Variants in NIPAL3 observed in about 807,000 individuals in gnomAD.
NIPAL3 encodes NIPA-like protein 3.
A neutral mutation model predicts 47.2 loss-of-function variants in NIPAL3; 41 were observed. The observed-to-expected ratio is 0.87, with a 90% CI of 0.68 to 1.13. The LOEUF is 1.13. Ranked by LOEUF, NIPAL3 falls within the 50% of genes most tolerant of loss-of-function variation. NIPAL3 has a pLI of 0.00. For missense variants in NIPAL3, 449 were observed against 530.1 expected (o/e 0.85, Z 1.50); for synonymous variants, 194 against 209.6 (o/e 0.93, Z 0.64).
chr1:24,430,307 A>G (rs568773641), intron 2 of NIPAL3, among the ~76,000 whole-genome samples: 1 of 120,054 alleles, frequency 8.3e-6, no homozygotes, highest in South Asian at 2.5e-4. Context: ...CAGGAGTGCA[A>G]TGGCGCGATC....
Position 24,449,399 on chromosome 1 carries a change from C to T in NIPAL3, c.395-82C>T. On this transcript the variant is annotated intron_variant, in intron 5 of 11. Coordinates refer to ENST00000374399, the MANE Select transcript of NIPAL3 (RefSeq NM_020448.5). The surrounding 1 kb of genome is among the most constrained non-coding windows in gnomAD (Gnocchi z 4.5). ...GGTCATGGTATGTTGCAGGAGAAGCCTGTTTTTTCATGGCTGAGAACGTGT... is the reference window on the plus strand; with the variant it reads ...GGTCATGGTATGTTGCAGGAGAAGCTTGTTTTTTCATGGCTGAGAACGTGT... 9 of 1,453,814 alleles carry T rather than the reference C, an allele frequency of 6.2e-6. No homozygotes were observed. Among genetic ancestry groups the T allele is most frequent in the Non-Finnish European group, 8.4e-6 (9 of 1,073,658 alleles). The allele number at this position is 1,453,814 out of a possible 1,614,324, so 90.1% of individuals were successfully genotyped here.
At chr1:24,432,706 A>C (rs1363204560) in intron 2 of NIPAL3, among the ~76,000 whole-genome samples, 1 of 152,240 alleles carries the variant, frequency 6.6e-6, no homozygotes, top group Non-Finnish European at 1.5e-5. Flanking sequence ...TGATAATAGT[A>C]CCTGCCTTAA....
At chr1:24,445,150 C>T in intron 4 of NIPAL3, 35 bp from the exon 5 acceptor site, 2 of 1,515,142 alleles carry the variant, frequency 1.3e-6, no homozygotes, top group East Asian at 2.3e-5. Context: ...CTGACAGCAG[C>T]CTCAATTCCC....
chr1:24,462,204 G>A (rs1646502654), intron 10 of NIPAL3, among the ~76,000 whole-genome samples: 1 of 151,850 alleles, frequency 6.6e-6, no homozygotes, highest in Admixed American at 6.5e-5. Context: ...GAACAGCATG[G>A]GGGTAACTGC....
intron 9 of NIPAL3, 29 bp from the exon 10 acceptor site, chr1:24,460,452 G>T: frequency 6.4e-7 from 1 of 1,573,490 alleles, no homozygotes; most frequent in Non-Finnish European, 8.6e-7. Flanking sequence ...AAACAGCTCA[G>T]CGGTATTTTC....
chr1:24,419,426 G>C lies in NIPAL3; in HGVS notation c.-122G>C, dbSNP rs1644209429. The C allele has an allele frequency of 7.3e-7, 1 of 1,377,784 alleles. No individual in the cohort carries two copies. The highest frequency in any genetic ancestry group is 9.4e-7 in the Non-Finnish European group (1 of 1,063,214). 85.3% of individuals were successfully genotyped at this position (1,377,784 alleles called of 1,614,324 possible). ...GCCTTGAAGTATTCTTTTGTCATGA[G>C]GAAGTGACGGCTGCTGGAGGGAGGT... On this transcript the variant is annotated 5_prime_UTR_variant, in exon 2 of 12. Transcript: ENST00000374399.
rs991469526 is a variant in NIPAL3, at chr1:24,449,703, C to T, written c.540+77C>T. Reference sequence around the variant, plus strand: ...TCCTAGAAACCAGAAACGTGAATACCCAGCAATAGGGGATTCCGTGAGTTG... The same window carrying T: ...TCCTAGAAACCAGAAACGTGAATACTCAGCAATAGGGGATTCCGTGAGTTG... On this transcript the variant is annotated intron_variant, in intron 6 of 11. Transcript: ENST00000374399. The surrounding 1 kb of genome is among the most constrained non-coding windows in gnomAD (Gnocchi z 4.5). The T allele has an allele frequency of 4.1e-6, 6 of 1,479,766 alleles. No homozygotes were observed. Among genetic ancestry groups the T allele is most frequent in the Non-Finnish European group, 5.5e-6 (6 of 1,093,574 alleles). The allele number at this position is 1,479,766 out of a possible 1,614,324, so 91.7% of individuals were successfully genotyped here.
In NIPAL3 at chr1:24,440,347, A is replaced by C. The variant is rs190274418; in HGVS notation, c.162+107A>C. On this transcript the variant is annotated intron_variant, in intron 3 of 11. Transcript: ENST00000374399. ...CTCTCTGCAGGGCCTTGCCTACTGCATCCCTGGGCTGCACCTGGGACAATA... is the reference window on the plus strand; with the variant it reads ...CTCTCTGCAGGGCCTTGCCTACTGCCTCCCTGGGCTGCACCTGGGACAATA... 152 of 779,874 alleles carry C rather than the reference A, an allele frequency of 1.9e-4. 1 individual carries two copies. Among genetic ancestry groups the C allele is most frequent in the Non-Finnish European group, 2.6e-4 (137 of 523,342 alleles). 48.3% of individuals were successfully genotyped at this position (779,874 alleles called of 1,614,324 possible).
intron 2 of NIPAL3, among the ~76,000 whole-genome samples, chr1:24,434,939 A>G (rs1645031911): frequency 6.6e-6 from 1 of 152,212 alleles, no homozygotes; most frequent in African/African-American, 2.4e-5. Context: ...AGGGGACCCA[A>G]AATAGCCAAA....
At chr1:24,424,406 G>A (rs1449353496) in intron 2 of NIPAL3, among the ~76,000 whole-genome samples, 1 of 152,174 alleles carries the variant, frequency 6.6e-6, no homozygotes, top group Non-Finnish European at 1.5e-5. Flanking sequence ...CATGCACTAG[G>A]CATGCTGGAA....
At chr1:24,430,747 G>T (rs1405289544) in intron 2 of NIPAL3, among the ~76,000 whole-genome samples, 2 of 152,210 alleles carry the variant, frequency 1.3e-5, no homozygotes, top group Non-Finnish European at 2.9e-5. Context: ...AAAGGGCATT[G>T]TCGATTATGC....
rs1326563615 is a variant in NIPAL3 at position 24,468,997 on chromosome 1, A to G, written c.1033A>G (p.Met345Val). Reference sequence around the variant, plus strand: ...GGATTTCATTTCAGGTATGCAGAACATGCACGATAAAGGGATGACTGTCCA... The same window carrying G: ...GGATTTCATTTCAGGTATGCAGAACGTGCACGATAAAGGGATGACTGTCCA... ...SMDAMPGMQNMHDKGMTVQPE... is the reference protein window; with the variant it reads ...SMDAMPGMQNVHDKGMTVQPE... Residue 345 changes from methionine (M) to valine (V), a missense_variant, in exon 12 of 12, where the codon ATG (methionine) becomes GTG (valine). Coordinates refer to ENST00000374399, the MANE Select transcript of NIPAL3 (RefSeq NM_020448.5). The G allele has an allele frequency of 3.1e-6, 5 of 1,614,172 alleles. No individual in the cohort carries two copies. The highest frequency in any genetic ancestry group is 3.4e-6 in the Non-Finnish European group (4 of 1,180,018).
rs1156578986 is a variant in NIPAL3, at chr1:24,415,891, A to G, written c.-271A>G. The G allele has an allele frequency of 2.0e-6, 2 of 985,292 alleles. No individual in the cohort carries two copies. Among genetic ancestry groups the G allele is most frequent in the Admixed American group, 6.1e-5 (1 of 16,262 alleles). 61.0% of individuals were successfully genotyped at this position (985,292 alleles called of 1,614,324 possible). The stretch of plus-strand genomic sequence containing the variant: ...GAAGGTTTTGATAGGTGGGCCTTAG[A>G]GGAGACGCCGCCGGTGAGTAGTGAT... On this transcript the variant is annotated 5_prime_UTR_variant, in exon 1 of 12. Coordinates refer to ENST00000374399, the MANE Select transcript of NIPAL3 (RefSeq NM_020448.5).
chr1:24,454,376 G>C lies in NIPAL3; in HGVS notation c.637+872G>C. ...AGCCACGCTGTCCACTTCTCTAAAG[G>C]GGGGGCCTATGAGAACATCCAAGTC... On this transcript the variant is annotated intron_variant, in intron 7 of 11. Coordinates refer to ENST00000374399, the MANE Select transcript of NIPAL3 (RefSeq NM_020448.5). The surrounding 1 kb of genome is among the most constrained non-coding windows in gnomAD (Gnocchi z 4.1). The C allele has an allele frequency of 3.8e-6, 4 of 1,049,646 alleles. No homozygotes were observed. The highest frequency in any genetic ancestry group is 4.6e-6 in the Non-Finnish European group (4 of 868,146). The allele number at this position is 1,049,646 out of a possible 1,614,324, so 65.0% of individuals were successfully genotyped here.
At chr1:24,415,797 G>C (rs566702557), upstream of NIPAL3, 14 of 976,936 alleles carry the variant, frequency 1.4e-5, no homozygotes, top group African/African-American at 2.5e-4. Flanking sequence ...CATCTTGGCA[G>C]CTCTGAATTG....
chr1:24,424,116 G>A (rs192413279), intron 2 of NIPAL3, among the ~76,000 whole-genome samples: 105 of 152,260 alleles, frequency 6.9e-4, no homozygotes, highest in South Asian at 1.7e-3. Context: ...CTTCATGCCA[G>A]AGCAAAGCTG....
chr1:24,419,480 C>T lies in NIPAL3; in HGVS notation c.-68C>T, dbSNP rs768868473. 21 of 1,486,022 alleles carry T rather than the reference C, an allele frequency of 1.4e-5. No homozygotes were observed. The highest frequency in any genetic ancestry group is 1.9e-5 in the Non-Finnish European group (21 of 1,114,362). The allele number at this position is 1,486,022 out of a possible 1,614,324, so 92.1% of individuals were successfully genotyped here. Reference sequence around the variant, plus strand: ...CACCACAAGGAGAGATGGCATCTGGCCTGGGCCCCGCCTAGCAGCAGCTCC... The same window carrying T: ...CACCACAAGGAGAGATGGCATCTGGTCTGGGCCCCGCCTAGCAGCAGCTCC... On this transcript the variant is annotated 5_prime_UTR_variant, in exon 2 of 12. Transcript: ENST00000374399.
chr1:24,419,507 C>G lies in NIPAL3; in HGVS notation c.-41C>G, dbSNP rs1171316957. ...TGGGCCCCGCCTAGCAGCAGCTCCA[C>G]CTCCTAGGCCAGGCCCTGTGGGATG... On this transcript the variant is annotated 5_prime_UTR_variant, in exon 2 of 12. Transcript: ENST00000374399. 8 of 1,551,570 alleles carry G rather than the reference C, an allele frequency of 5.2e-6. No homozygotes were observed. The highest frequency in any genetic ancestry group is 7.0e-6 in the Non-Finnish European group (8 of 1,147,208).
At position 24,419,601 on chromosome 1, in the gene NIPAL3, T is replaced by C. The variant is rs1447591797; in HGVS notation, c.54T>C (p.Ser18=). ...AGCTGCAGCAGCTGCCTCCCACAAG[T>C]AGCTCCAGCGCCGTAAGCGAGGCCT... ...ALKLQQLPPT[S]SSSAVSEASF... The change falls in exon 2 of 12, where the codon AGT becomes AGC. Residue 18 remains serine (S), a synonymous_variant. Coordinates refer to ENST00000374399, the MANE Select transcript of NIPAL3 (RefSeq NM_020448.5). The C allele has an allele frequency of 2.5e-6, 4 of 1,614,088 alleles. No homozygotes were observed. Among genetic ancestry groups the C allele is most frequent in the Admixed American group, 1.7e-5 (1 of 60,024 alleles).
Sources: gnomAD v4.1 joint callset for allele counts (sites outside exome capture counted in the v4.1 genomes callset) on GRCh38, gnomAD v4.1.1 for gene constraint, Gnocchi (gnomAD v3.1) non-coding constraint, MANE v1.5 for transcripts, NCBI Gene and HGNC (gene_info 2026-07-23, HGNC 2026-07-21) for gene names.